Variants in CD1B observed in about 807,000 individuals in gnomAD.
CD1B encodes T-cell surface glycoprotein CD1b.
CD1B carries 43 observed loss-of-function variants against 39.8 expected under a neutral mutation model. The observed-to-expected ratio is 1.08, with a 90% CI of 0.85 to 1.39. The LOEUF is 1.39. CD1B is among the 40% of genes most tolerant of loss of function. The pLI, the probability that CD1B is intolerant of heterozygous loss-of-function variation, is 0.00. For synonymous variants in CD1B, 192 were observed against 152.5 expected (o/e 1.26, Z -1.91); for missense variants, 495 against 403.8 (o/e 1.23, Z -1.94).
At position 158,329,620 on chromosome 1, in the gene CD1B, G is replaced by A. The variant is rs1652503850; in HGVS notation, c.636C>T (p.Gly212=). ...GCAGACGGCCAGGTCCAGGACTGGG[G>A]CCACTGGACAGCCAGGCCTCAGGCT... The part of the protein sequence containing the change: ...QVKPEAWLSS[G]PSPGPGRLQL... Residue 212 remains glycine (G), a synonymous_variant, in exon 4 of 6, where the codon GGC becomes GGT. Transcript: ENST00000368168. 1 of 1,614,132 alleles carries A rather than the reference G, an allele frequency of 6.2e-7. No homozygotes were observed.
chr1:158,330,419 G>C lies in CD1B; in HGVS notation c.329-289C>G, dbSNP rs1652551074. ...GTGCAGCATTCCAGAGTGAGTGGAG[G>C]TTCCCAGCAAGAGGAGGGTGCGGGG... On this transcript the variant is annotated intron_variant, in intron 2 of 5. Transcript: ENST00000368168. The C allele has an allele frequency of 5.3e-6, 3 of 564,460 alleles. No individual in the cohort carries two copies. In the African/African-American group the frequency reaches 5.6e-5, roughly 11 times the overall value. The allele number at this position is 564,460 out of a possible 1,614,324, so 35.0% of individuals were successfully genotyped here. A position where few individuals can be genotyped will look rare whatever the true frequency, so the allele number is the denominator to read the frequency against.
the CD1B span, among the ~76,000 whole-genome samples, chr1:158,306,188 G>T: frequency 1.3e-5 from 2 of 152,078 alleles, no homozygotes; most frequent in South Asian, 4.1e-4. Flanking sequence ...GAAACCCATA[G>T]CAAGTGCAGA....
chr1:158,308,690 A>G, the CD1B span, among the ~76,000 whole-genome samples: 6 of 152,346 alleles, frequency 3.9e-5, no homozygotes, highest in Non-Finnish European at 8.8e-5. Context: ...ATCTATAACC[A>G]TCTGATCTTT....
downstream of CD1B, among the ~76,000 whole-genome samples, chr1:158,323,125 C>T (rs545657172): frequency 1.2e-4 from 19 of 152,132 alleles, no homozygotes; most frequent in South Asian, 4.0e-3. Flanking sequence ...TCCAATGACC[C>T]AAGTATTTGC....
the CD1B span, chr1:158,292,002 T>G: frequency 7.1e-7 from 1 of 1,404,980 alleles, no homozygotes; most frequent in Non-Finnish European, 9.7e-7. Flanking sequence ...CTTGCTTCAC[T>G]TCCTGATACA....
At chr1:158,293,461 T>C in the CD1B span, 3 of 1,614,024 alleles carry the variant, frequency 1.9e-6, no homozygotes, top group African/African-American at 1.3e-5. Flanking sequence ...ACAGCTCATA[T>C]CAGGACATCC....
the CD1B span, among the ~76,000 whole-genome samples, chr1:158,287,579 A>G: frequency 6.6e-6 from 1 of 152,184 alleles, no homozygotes; most frequent in African/African-American, 2.4e-5. Flanking sequence ...TATGAGCAAG[A>G]TCACTTGGAT....
the CD1B span, among the ~76,000 whole-genome samples, chr1:158,317,357 T>A: frequency 1.3e-5 from 2 of 152,200 alleles, no homozygotes; most frequent in Admixed American, 6.5e-5. Context: ...ATTGGTCTAT[T>A]CAGAGATTCA....
the CD1B span, among the ~76,000 whole-genome samples, chr1:158,317,920 A>C: frequency 6.6e-6 from 1 of 152,164 alleles, no homozygotes; most frequent in African/African-American, 2.4e-5. Flanking sequence ...TTCATTATGT[A>C]CCCAGTAGTC....
chr1:158,326,038 C>T (rs1162808640), downstream of CD1B, among the ~76,000 whole-genome samples: 5 of 152,072 alleles, frequency 3.3e-5, no homozygotes, highest in Admixed American at 1.3e-4. Flanking sequence ...GGCGCGATCT[C>T]GGCTCACTGC....
chr1:158,288,090 T>C, the CD1B span, among the ~76,000 whole-genome samples: 14 of 152,248 alleles, frequency 9.2e-5, no homozygotes, highest in African/African-American at 3.4e-4. Flanking sequence ...TGGTATCTAC[T>C]ATTGTTTTCT....
At chr1:158,308,493 T>C in the CD1B span, among the ~76,000 whole-genome samples, 80 of 152,164 alleles carry the variant, frequency 5.3e-4, no homozygotes, top group Non-Finnish European at 9.0e-4. Context: ...TTAAAGTTCA[T>C]ATGGAACCAA....
chr1:158,319,398 C>T, the CD1B span, among the ~76,000 whole-genome samples: 3 of 152,176 alleles, frequency 2.0e-5, no homozygotes, highest in African/African-American at 7.2e-5. Context: ...TCCCTTCTCA[C>T]TTCATTTCAT....
the CD1B span, among the ~76,000 whole-genome samples, chr1:158,297,435 T>C: frequency 6.6e-6 from 1 of 152,144 alleles, no homozygotes; most frequent in East Asian, 1.9e-4. Flanking sequence ...TAAGAAGTCA[T>C]TAAGGGAGTG....
chr1:158,320,752 GA>G, the CD1B span, among the ~76,000 whole-genome samples: 1 of 151,648 alleles, frequency 6.6e-6, no homozygotes, highest in Admixed American at 6.6e-5. Context: ...TTTTCTTTTT[GA>G]TTTTTTTCAC....
chr1:158,306,870 C>A, the CD1B span, among the ~76,000 whole-genome samples: 1 of 152,104 alleles, frequency 6.6e-6, no homozygotes, highest in Non-Finnish European at 1.5e-5. Flanking sequence ...TAAAGATGTT[C>A]TTTGAAACCA....
the CD1B span, among the ~76,000 whole-genome samples, chr1:158,310,651 G>T: frequency 1.3e-5 from 2 of 152,038 alleles, no homozygotes; most frequent in Non-Finnish European, 2.9e-5. Flanking sequence ...AATAGGCAAA[G>T]AATATCAACA....
At chr1:158,305,379 C>G in the CD1B span, among the ~76,000 whole-genome samples, 144 of 151,028 alleles carry the variant, frequency 9.5e-4, 1 homozygote, top group African/African-American at 3.4e-3. Flanking sequence ...GAAGTTTAGA[C>G]GAAAAAGAAT....
chr1:158,320,156 C>A, the CD1B span, among the ~76,000 whole-genome samples: 1 of 152,248 alleles, frequency 6.6e-6, no homozygotes, highest in Non-Finnish European at 1.5e-5. Flanking sequence ...CAGAGGCAGG[C>A]AGGCCTCCTT....
Sources: allele counts gnomAD v4.1 joint callset (sites outside exome capture counted in the v4.1 genomes callset), GRCh38; gene constraint gnomAD v4.1.1; transcripts MANE v1.5; gene names NCBI Gene and HGNC (gene_info 2026-07-23, HGNC 2026-07-21).